The following CSGALNACT1 variants were observed in gnomAD, a reference collection of about 807,000 sequenced individuals.
CSGALNACT1 encodes the protein chondroitin sulfate N-acetylgalactosaminyltransferase 1.
A neutral mutation model predicts 51.0 loss-of-function variants in CSGALNACT1; 52 were observed. The ratio of observed to expected loss-of-function variants is 1.02; its 90% CI spans 0.82 to 1.29. The LOEUF (loss-of-function observed/expected upper bound fraction) is 1.29, where lower values mean the gene tolerates loss of function less well. CSGALNACT1 is among the 50% of genes most tolerant of loss of function. CSGALNACT1 has a pLI of 0.00. For synonymous variants in CSGALNACT1, 341 were observed against 254.4 expected (o/e 1.34, Z -3.24); for missense variants, 935 against 679.2 (o/e 1.38, Z -4.19).
intron 3 of CSGALNACT1, among the ~76,000 whole-genome samples, chr8:19,565,795 C>G (rs2041795448): frequency 6.6e-6 from 1 of 152,166 alleles, no homozygotes; most frequent in Non-Finnish European, 1.5e-5. Flanking sequence ...TCTGTAATCC[C>G]AGCTACTTGG....
chr8:19,620,016 T>C (rs1466477823), intron 1 of CSGALNACT1, among the ~76,000 whole-genome samples: 1 of 152,046 alleles, frequency 6.6e-6, no homozygotes, highest in Non-Finnish European at 1.5e-5. Flanking sequence ...AGGAAACTTC[T>C]ATAAGAAGAA....
chr8:19,664,378 C>A (rs1237206482), intron 1 of CSGALNACT1, among the ~76,000 whole-genome samples: 2 of 152,184 alleles, frequency 1.3e-5, no homozygotes, highest in South Asian at 2.1e-4. Flanking sequence ...CACTTCTATA[C>A]TGCTGGTGGG....
At chr8:19,631,465 A>G (rs961917432) in intron 1 of CSGALNACT1, among the ~76,000 whole-genome samples, 1 of 152,212 alleles carries the variant, frequency 6.6e-6, no homozygotes, top group Non-Finnish European at 1.5e-5. Context: ...ACTAAAATAG[A>G]AAACAAGTCT....
At chr8:19,534,848 G>C (rs1667893077) in intron 3 of CSGALNACT1, among the ~76,000 whole-genome samples, 1 of 152,216 alleles carries the variant, frequency 6.6e-6, no homozygotes, top group African/African-American at 2.4e-5. Flanking sequence ...TTCAAGTCAA[G>C]TGGGGAGTTT....
intron 8 of CSGALNACT1, among the ~76,000 whole-genome samples, chr8:19,414,142 A>C (rs2056421011): frequency 6.6e-6 from 1 of 152,196 alleles, no homozygotes; most frequent in African/African-American, 2.4e-5. Flanking sequence ...CAAATGCTAT[A>C]AATCAGGTCT....
chr8:19,517,604 A>C (rs2079821526), intron 3 of CSGALNACT1, among the ~76,000 whole-genome samples: 1 of 152,190 alleles, frequency 6.6e-6, no homozygotes, highest in African/African-American at 2.4e-5. Context: ...TAATGGACTC[A>C]CAGTTCCACA....
rs1017960331 is a variant in CSGALNACT1 at position 19,461,789 on chromosome 8, A to C, written c.635-3147T>G. On this transcript the variant is annotated intron_variant, in intron 4 of 9. Transcript: ENST00000454498. ...GCGTATCTGCACAGCAGCCACATTC[A>C]CCATGGAGGGCGTATCCCCACAGCA... 6.4e-4 allele frequency among the ~76,000 whole-genome samples: 35 copies of C among 54,582 alleles called. 5 individuals carry two copies. The East Asian group carries it at 0.01, about 16-fold the overall frequency. 35.8% of individuals were successfully genotyped at this position (54,582 alleles called of 152,430 possible).
At chr8:19,545,172 C>T (rs934874517) in intron 3 of CSGALNACT1, among the ~76,000 whole-genome samples, 1 of 152,120 alleles carries the variant, frequency 6.6e-6, no homozygotes, top group African/African-American at 2.4e-5. Context: ...CTGGACTTGA[C>T]CCAGTCTTGC....
chr8:19,439,494 G>A (rs1182843270), intron 6 of CSGALNACT1, among the ~76,000 whole-genome samples: 1 of 152,136 alleles, frequency 6.6e-6, no homozygotes. Flanking sequence ...TTCCTACTCT[G>A]CAACATAAAG....
chr8:19,404,789 G>A (rs550891197), exon 10 of CSGALNACT1: 119 of 454,490 alleles, frequency 2.6e-4, no homozygotes, highest in Admixed American at 2.3e-4. Context: ...GGTACATCAC[G>A]ATATCACCAG....
chr8:19,451,178 C>T (rs1041760843), intron 5 of CSGALNACT1, among the ~76,000 whole-genome samples: 2 of 152,158 alleles, frequency 1.3e-5, no homozygotes, highest in African/African-American at 4.8e-5. Context: ...GAAACCTCAT[C>T]TCACCCAACA....
intron 1 of CSGALNACT1, among the ~76,000 whole-genome samples, chr8:19,671,811 C>T (rs753383014): frequency 6.6e-6 from 1 of 152,008 alleles, no homozygotes; most frequent in South Asian, 2.1e-4. Context: ...AATTGAGATC[C>T]TACTGTTTTA....
Position 19,666,831 on chromosome 8 carries a change from GAGAA to G in CSGALNACT1, c.-544+15638_-544+15641del, listed in dbSNP as rs34197786. Among the ~76,000 whole-genome samples the G allele has an allele frequency of 6.0e-3, 149 of 24,874 alleles. 5 individuals carry two copies. The highest frequency in any genetic ancestry group is 0.011 in the African/African-American group (55 of 4,924). 16.3% of individuals were successfully genotyped at this position (24,874 alleles called of 152,430 possible). Reference sequence around the variant, plus strand: ...AGAAAGAGAGAGAGAGAGAGAGAGAGAGAAAGAAAGAAAGAAAGAAAGAAAGAAA... The same window carrying G: ...AGAAAGAGAGAGAGAGAGAGAGAGAGAGAAAGAAAGAAAGAAAGAAAGAAA... On this transcript the variant is annotated intron_variant, in intron 1 of 9. Transcript: ENST00000332246.
At chr8:19,654,076 G>T (rs1047894656) in intron 1 of CSGALNACT1, among the ~76,000 whole-genome samples, 1 of 152,164 alleles carries the variant, frequency 6.6e-6, no homozygotes, top group Non-Finnish European at 1.5e-5. Flanking sequence ...TGCATGAAAA[G>T]CTGCCTTATT....
chr8:19,690,852 G>T (rs910788419), intron 1 of CSGALNACT1, among the ~76,000 whole-genome samples: 4 of 152,206 alleles, frequency 2.6e-5, no homozygotes, highest in African/African-American at 9.7e-5. Context: ...TCTGAGATCA[G>T]GGATAAGCAA....
At chr8:19,566,027 G>T (rs535336625) in intron 3 of CSGALNACT1, among the ~76,000 whole-genome samples, 2 of 152,322 alleles carry the variant, frequency 1.3e-5, no homozygotes, top group East Asian at 3.9e-4. Flanking sequence ...TTGTAAATAG[G>T]ATGGCTGGTG....
chr8:19,605,742 C>G (rs1001801064), upstream of CSGALNACT1, among the ~76,000 whole-genome samples: 2 of 152,140 alleles, frequency 1.3e-5, no homozygotes, highest in Admixed American at 1.3e-4. Flanking sequence ...TTCCCCACCC[C>G]CAAAGAAATG....
intron 4 of CSGALNACT1, among the ~76,000 whole-genome samples, chr8:19,461,884 A>G (rs796991363): frequency 2.7e-3 from 323 of 120,028 alleles, no homozygotes; most frequent in East Asian, 0.012. Context: ...TCCACACAGC[A>G]GCCACATTTA....
intron 3 of CSGALNACT1, among the ~76,000 whole-genome samples, chr8:19,519,599 G>C (rs1040510791): frequency 6.6e-6 from 1 of 152,204 alleles, no homozygotes; most frequent in Non-Finnish European, 1.5e-5. Flanking sequence ...GCTGTCTCGT[G>C]AAGTGCCAAA....
Sources: allele counts gnomAD v4.1 joint callset (sites outside exome capture counted in the v4.1 genomes callset), GRCh38; gene constraint gnomAD v4.1.1; transcripts MANE v1.5; gene names NCBI Gene and HGNC (gene_info 2026-07-23, HGNC 2026-07-21).